The following EDARADD variants were observed in gnomAD, a reference collection of about 807,000 sequenced individuals.
The protein encoded by EDARADD is EDAR associated via death domain.
Under a neutral mutation model 25.6 loss-of-function variants are expected in EDARADD, and 20 were observed. That is an observed-to-expected ratio of 0.78 (90% confidence interval 0.55 to 1.14). EDARADD has a LOEUF of 1.14. Among genes scored for constraint, EDARADD ranks in the 50% most tolerant of loss-of-function variants. The probability of loss-of-function intolerance (pLI) is 0.00; values close to 1 mark genes in which losing one functional copy is unlikely to be tolerated. For missense variants in EDARADD, 225 were observed against 270.1 expected (o/e 0.83, Z 1.17); for synonymous variants, 86 against 94.4 (o/e 0.91, Z 0.52).
Position 236,395,705 on chromosome 1 carries a change from G to C in EDARADD, c.61+1200G>C, listed in dbSNP as rs751572652. On this transcript the variant is annotated intron_variant, in intron 1 of 5. Transcript: ENST00000334232. This position sits in a 1 kb window ranked among gnomAD's most constrained non-coding sequence, Gnocchi z 6.9. ...CGCCCGCTCCTGGAGCGAGCACCGC[G>C]GGGCGGGAGCTCGGGAGGCGCTCGC... 94 of 1,533,978 alleles carry C rather than the reference G, an allele frequency of 6.1e-5. No homozygotes were observed. Among genetic ancestry groups the C allele is most frequent in the Non-Finnish European group, 7.8e-5 (89 of 1,145,562 alleles).
At chr1:236,429,592 C>T (rs900802578) in intron 4 of EDARADD, among the ~76,000 whole-genome samples, 1 of 150,060 alleles carries the variant, frequency 6.7e-6, no homozygotes, top group Non-Finnish European at 1.5e-5. Context: ...GCCATGTTGG[C>T]CAGGCTAGTC....
At chr1:236,377,641 T>C (rs1160693681) in intron 3 of EDARADD, among the ~76,000 whole-genome samples, 1 of 151,042 alleles carries the variant, frequency 6.6e-6, no homozygotes, top group Non-Finnish European at 1.5e-5. Flanking sequence ...GGGCAGATCA[T>C]AAGGTCAAGA....
intron 4 of EDARADD, among the ~76,000 whole-genome samples, chr1:236,456,561 C>T (rs1305679296): frequency 6.6e-6 from 1 of 152,154 alleles, no homozygotes; most frequent in Non-Finnish European, 1.5e-5. Flanking sequence ...CTAGACTGAA[C>T]TTTATCCCAG....
intron 1 of EDARADD, among the ~76,000 whole-genome samples, chr1:236,396,855 C>T (rs1440479147): frequency 6.6e-6 from 1 of 151,894 alleles, no homozygotes; most frequent in Admixed American, 6.6e-5. Context: ...TCCCACTCCA[C>T]TCCTACCCTA....
chr1:236,437,506 G>A (rs1658288998), intron 4 of EDARADD, among the ~76,000 whole-genome samples: 1 of 152,076 alleles, frequency 6.6e-6, no homozygotes, highest in Admixed American at 6.5e-5. Context: ...GAAAGACTGA[G>A]GCCAGGAGAG....
At chr1:236,368,596 A>T (rs1296783212) in intron 3 of EDARADD, among the ~76,000 whole-genome samples, 1 of 151,850 alleles carries the variant, frequency 6.6e-6, no homozygotes, top group Non-Finnish European at 1.5e-5. Context: ...AGGCGCCACC[A>T]CACCTGGCTA....
chr1:236,393,391 CTTTTTTTTTTTTTT>C (rs761525038), upstream of EDARADD, among the ~76,000 whole-genome samples: 16 of 87,202 alleles, frequency 1.8e-4, no homozygotes, highest in African/African-American at 8.3e-4. Context: ...TTCTTTCTTT[CTTTTTTTTTTTTTT>C]TTTTTTTTGA....
At chr1:236,381,503 G>A (rs960518656) in intron 3 of EDARADD, among the ~76,000 whole-genome samples, 1 of 152,030 alleles carries the variant, frequency 6.6e-6, no homozygotes, top group African/African-American at 2.4e-5. Flanking sequence ...AACAATTCAT[G>A]CATAAAAATC....
chr1:236,381,801 CTT>C (rs71559949), intron 3 of EDARADD, among the ~76,000 whole-genome samples: 11 of 42,070 alleles, frequency 2.6e-4, no homozygotes, highest in African/African-American at 3.2e-4. Flanking sequence ...CCTGTGGTTG[CTT>C]TTTTTTTTTT....
At position 236,441,023 on chromosome 1, in the gene EDARADD, T is replaced by C. The variant is rs188792892; in HGVS notation, c.219+13573T>C. On this transcript the variant is annotated intron_variant, in intron 4 of 5. Transcript: ENST00000334232. Reference sequence around the variant, plus strand: ...GAGGAAGGCATATCAAAAGCCAAGATAGGCTGAAAGCTAGGTCTCTCATGC... The same window carrying C: ...GAGGAAGGCATATCAAAAGCCAAGACAGGCTGAAAGCTAGGTCTCTCATGC... 1.2e-3 allele frequency among the ~76,000 whole-genome samples: 182 copies of C among 152,156 alleles called. 1 individual carries two copies. Among genetic ancestry groups the C allele is most frequent in the African/African-American group, 4.2e-3 (174 of 41,524 alleles).
chr1:236,391,413 T>C (rs1027537728), upstream of EDARADD, among the ~76,000 whole-genome samples: 1 of 152,216 alleles, frequency 6.6e-6, no homozygotes, highest in African/African-American at 2.4e-5. Flanking sequence ...GGAAACTTAG[T>C]AACTCTTGTT....
Position 236,433,530 on chromosome 1 carries a change from C to T in EDARADD, c.219+6080C>T, listed in dbSNP as rs955338280. On this transcript the variant is annotated intron_variant, in intron 4 of 5. Transcript: ENST00000334232. Reference sequence around the variant, plus strand: ...TTCACCATGTTGGCCAGGCTGGTCTCGAACTCCTGACCTCAGGTGATCCAC... The same window carrying T: ...TTCACCATGTTGGCCAGGCTGGTCTTGAACTCCTGACCTCAGGTGATCCAC... Among the ~76,000 whole-genome samples, 33 of 151,444 alleles carry T rather than the reference C, an allele frequency of 2.2e-4. 1 individual carries two copies. Among genetic ancestry groups the T allele is most frequent in the African/African-American group, 7.8e-4 (32 of 41,234 alleles).
In EDARADD at chr1:236,417,672, G is replaced by A. The variant is rs899694588; in HGVS notation, c.160+3373G>A. ...GAGATTGAGGTTTATTTTCCATCAC[G>A]TGATTCCCAGTATCTCGCAGAAGCT... On this transcript the variant is annotated intron_variant, in intron 3 of 5. Transcript: ENST00000334232. 3.9e-5 allele frequency among the ~76,000 whole-genome samples: 6 copies of A among 151,996 alleles called. No homozygotes were observed. In the South Asian group the frequency reaches 1.0e-3, roughly 26 times the overall value.
chr1:236,394,319 A>C lies in EDARADD; in HGVS notation c.-126A>C. On this transcript the variant is annotated 5_prime_UTR_variant, in exon 1 of 6. Coordinates refer to ENST00000334232, the MANE Select transcript of EDARADD (RefSeq NM_145861.4). ...AGGAAGTTTATCCTCCCACCTACAA[A>C]TTCCCCAGAGAGCTTTCATCTAGAA... The C allele has an allele frequency of 8.4e-6, 9 of 1,071,190 alleles. No homozygotes were observed. The highest frequency in any genetic ancestry group is 1.3e-5 in the Non-Finnish European group (9 of 702,516). 66.4% of individuals were successfully genotyped at this position (1,071,190 alleles called of 1,614,324 possible).
At chr1:236,421,646 C>T (rs1158694514) in intron 3 of EDARADD, among the ~76,000 whole-genome samples, 4 of 151,680 alleles carry the variant, frequency 2.6e-5, no homozygotes, top group Admixed American at 1.3e-4. Flanking sequence ...TACAGATGCC[C>T]GCCACCACGC....
At chr1:236,434,519 C>T (rs1400653940) in intron 4 of EDARADD, among the ~76,000 whole-genome samples, 1 of 152,194 alleles carries the variant, frequency 6.6e-6, no homozygotes, top group East Asian at 1.9e-4. Context: ...GGATTATAGG[C>T]GTGAGCCACT....
chr1:236,364,305 C>T (rs1355056831), intron 3 of EDARADD, among the ~76,000 whole-genome samples: 1 of 152,100 alleles, frequency 6.6e-6, no homozygotes, highest in African/African-American at 2.4e-5. Context: ...TTTGGTCTGT[C>T]ATAGCCTTGT....
intron 3 of EDARADD, among the ~76,000 whole-genome samples, chr1:236,367,525 A>C (rs1227619510): frequency 2.0e-5 from 3 of 152,036 alleles, no homozygotes; most frequent in South Asian, 2.1e-4. Context: ...CACCGCACCC[A>C]GCCCATTTTA....
intron 4 of EDARADD, among the ~76,000 whole-genome samples, chr1:236,443,332 A>T (rs925716945): frequency 2.0e-5 from 3 of 152,244 alleles, no homozygotes; most frequent in East Asian, 1.9e-4. Context: ...ATTTGGTAAG[A>T]CTAAAAATAG....
Sources: gnomAD v4.1 joint callset for allele counts (sites outside exome capture counted in the v4.1 genomes callset) on GRCh38, gnomAD v4.1.1 for gene constraint, Gnocchi (gnomAD v3.1) non-coding constraint, MANE v1.5 for transcripts, NCBI Gene and HGNC (gene_info 2026-07-23, HGNC 2026-07-21) for gene names.